Variants in AGBL4 observed in about 807,000 individuals in gnomAD.
The protein encoded by AGBL4 is cytosolic carboxypeptidase 6.
AGBL4 carries 58 observed loss-of-function variants against 66.4 expected under a neutral mutation model. That is an observed-to-expected ratio of 0.87 (90% CI 0.71 to 1.09). The LOEUF is 1.09. Among genes scored for constraint, AGBL4 ranks in the 50% least tolerant of loss-of-function variants. The probability of loss-of-function intolerance (pLI) is 0.00; values close to 1 mark genes in which losing one functional copy is unlikely to be tolerated. For missense variants in AGBL4, 579 were observed against 631.0 expected (o/e 0.92, Z 0.88); for synonymous variants, 234 against 222.9 (o/e 1.05, Z -0.44).
chr1:49,440,315 G>C (rs1291872400), intron 3 of AGBL4, among the ~76,000 whole-genome samples: 1 of 152,128 alleles, frequency 6.6e-6, no homozygotes, highest in East Asian at 1.9e-4. Flanking sequence ...TGATCCACCT[G>C]CCTCTGCCTC....
intron 1 of AGBL4, among the ~76,000 whole-genome samples, chr1:49,934,711 T>C (rs1356736891): frequency 6.6e-6 from 1 of 151,240 alleles, no homozygotes; most frequent in African/African-American, 2.4e-5. Flanking sequence ...AGAAAGATCT[T>C]AAATGAGTAA....
chr1:48,882,213 C>T (rs925492041), intron 5 of AGBL4, among the ~76,000 whole-genome samples: 1 of 152,090 alleles, frequency 6.6e-6, no homozygotes, highest in African/African-American at 2.4e-5. Context: ...ATCATGCTGC[C>T]CCTGTCTGTC....
intron 4 of AGBL4, among the ~76,000 whole-genome samples, chr1:49,214,765 T>C (rs184909629): frequency 6.6e-6 from 1 of 152,048 alleles, no homozygotes; most frequent in Non-Finnish European, 1.5e-5. Flanking sequence ...AAGCCTCCTG[T>C]TTAGAAAAAA....
chr1:49,011,886 TG>T (rs371099665), intron 5 of AGBL4, among the ~76,000 whole-genome samples: 55,385 of 92,196 alleles, frequency 0.6, 14,913 homozygotes, highest in Middle Eastern at 0.71. Context: ...TGTTGTGGGG[TG>T]GGGGGTGGGG....
chr1:48,719,170 C>T (rs1380593315), intron 6 of AGBL4, among the ~76,000 whole-genome samples: 1 of 152,142 alleles, frequency 6.6e-6, no homozygotes, highest in Non-Finnish European at 1.5e-5. Context: ...GCGCCCCCTT[C>T]CCCCAAACAC....
In AGBL4 at chr1:48,654,030, C is replaced by G. The variant is rs140091363; in HGVS notation, c.725-579G>C. ...CTTCTTTCCCCATTTTGAGGATCCT[C>G]TGTTCCAGGACTCCAGGGATGATTG... On this transcript the variant is annotated intron_variant, in intron 7 of 13. Transcript: ENST00000371839. Among the ~76,000 whole-genome samples the G allele has an allele frequency of 7.7e-4, 117 of 152,326 alleles. 1 individual carries two copies. The highest frequency in any genetic ancestry group is 3.4e-3 in the Middle Eastern group (1 of 294).
At chr1:49,059,253 A>T (rs1644359903) in intron 4 of AGBL4, among the ~76,000 whole-genome samples, 1 of 152,200 alleles carries the variant, frequency 6.6e-6, no homozygotes, top group African/African-American at 2.4e-5. Flanking sequence ...CAGCTGCTTC[A>T]GCTCCAGCCA....
intron 11 of AGBL4, among the ~76,000 whole-genome samples, chr1:48,541,351 CTTCTT>C (rs564088081): frequency 1.3e-5 from 2 of 152,242 alleles, no homozygotes; most frequent in Non-Finnish European, 2.9e-5. Context: ...TTACCTGTCT[CTTCTT>C]TTCAGTAGCC....
intron 1 of AGBL4, among the ~76,000 whole-genome samples, chr1:49,867,747 A>G (rs1190403479): frequency 6.6e-6 from 1 of 152,178 alleles, no homozygotes; most frequent in Non-Finnish European, 1.5e-5. Flanking sequence ...AGAAAATACC[A>G]TTACCAGCCA....
chr1:49,797,421 A>C (rs1644757177), intron 2 of AGBL4, among the ~76,000 whole-genome samples: 1 of 152,112 alleles, frequency 6.6e-6, no homozygotes, highest in South Asian at 2.1e-4. Flanking sequence ...AGGAGGTAAA[A>C]TGGTAAGTCT....
At chr1:48,953,110 A>G (rs560410585) in intron 5 of AGBL4, among the ~76,000 whole-genome samples, 1 of 152,338 alleles carries the variant, frequency 6.6e-6, no homozygotes, top group African/African-American at 2.4e-5. Context: ...CAGCAACAGA[A>G]GCTAACTGGC....
chr1:50,002,431 G>A (rs1660829261), intron 1 of AGBL4, among the ~76,000 whole-genome samples: 1 of 143,370 alleles, frequency 7.0e-6, no homozygotes, highest in South Asian at 2.2e-4. Context: ...GTGCAGTGGC[G>A]CGATCTCGGC....
chr1:49,971,322 T>C (rs1658065227), intron 1 of AGBL4, among the ~76,000 whole-genome samples: 1 of 152,208 alleles, frequency 6.6e-6, no homozygotes, highest in Admixed American at 6.5e-5. Context: ...CATTAGTCAC[T>C]TAGTAGTTAT....
intron 5 of AGBL4, among the ~76,000 whole-genome samples, chr1:49,028,577 A>T (rs1369778117): frequency 3.9e-5 from 6 of 152,208 alleles, no homozygotes; most frequent in Admixed American, 3.9e-4. Flanking sequence ...CAGCAAGAGA[A>T]AAGTGATTCA....
intron 2 of AGBL4, among the ~76,000 whole-genome samples, chr1:49,752,253 C>T (rs1224612136): frequency 6.6e-6 from 1 of 152,048 alleles, no homozygotes; most frequent in Non-Finnish European, 1.5e-5. Flanking sequence ...TAGCTGTGTC[C>T]CAGAGATTCT....
At chr1:49,541,685 C>T (rs1570984513) in intron 3 of AGBL4, among the ~76,000 whole-genome samples, 1 of 152,192 alleles carries the variant, frequency 6.6e-6, no homozygotes, top group Non-Finnish European at 1.5e-5. Context: ...AGCGCCTGGT[C>T]CACCCAAGGG....
rs561018984 is a variant in AGBL4 at position 49,655,766 on chromosome 1, T to C, written c.282+41547A>G. Among the ~76,000 whole-genome samples the C allele has an allele frequency of 2.6e-5, 4 of 152,306 alleles. No individual in the cohort carries two copies. In the East Asian group the frequency reaches 7.7e-4, roughly 29 times the overall value. ...TCAAAAAATCAATGAATCCAGGAGC[T>C]GGTTTTTTGAAAAGATCAACAAAAT... On this transcript the variant is annotated intron_variant, in intron 3 of 13. Coordinates refer to ENST00000371839, the MANE Select transcript of AGBL4 (RefSeq NM_032785.4).
intron 3 of AGBL4, among the ~76,000 whole-genome samples, chr1:49,519,224 G>A (rs1650068633): frequency 6.6e-6 from 1 of 152,072 alleles, no homozygotes; most frequent in Non-Finnish European, 1.5e-5. Context: ...TCTTGGGTGA[G>A]TCTCTTAAGA....
intron 6 of AGBL4, among the ~76,000 whole-genome samples, chr1:48,866,696 T>G (rs1443906105): frequency 6.6e-6 from 1 of 152,162 alleles, no homozygotes; most frequent in Non-Finnish European, 1.5e-5. Context: ...TCACAGCTTT[T>G]TGGGTGGACC....
Sources: gnomAD v4.1 joint callset for allele counts (sites outside exome capture counted in the v4.1 genomes callset) on GRCh38, gnomAD v4.1.1 for gene constraint, MANE v1.5 for transcripts, NCBI Gene and HGNC (gene_info 2026-07-23, HGNC 2026-07-21) for gene names.